Variants in PRKG1 observed in about 807,000 individuals in gnomAD.
The protein encoded by PRKG1 is protein kinase cGMP-dependent 1.
In PRKG1, 35 loss-of-function variants were observed where a neutral mutation model predicts 88.1. The observed-to-expected ratio is 0.40, with a 90% confidence interval of 0.30 to 0.53. The LOEUF is 0.53. PRKG1 is among the 20% of genes least tolerant of loss of function. PRKG1 has a pLI of 0.59. For synonymous variants in PRKG1, 303 were observed against 292.5 expected (o/e 1.04, Z -0.37); for missense variants, 540 against 839.8 (o/e 0.64, Z 4.41).
rs757672025 is a variant in PRKG1 at position 51,074,636 on chromosome 10, G to C, written c.46G>C (p.Glu16Gln). ...DLQYALQEKI[E>Q]ELRQRDALID... Reference sequence around the variant, plus strand: ...ACAGTACGCGCTCCAGGAGAAGATCGAGGAGCTGAGGCAGCGGGATGCTCT... The same window carrying C: ...ACAGTACGCGCTCCAGGAGAAGATCCAGGAGCTGAGGCAGCGGGATGCTCT... The change falls in exon 1 of 18, where the codon GAG becomes CAG. Residue 16 changes from glutamate to glutamine, a missense_variant. Glu to Gln is a conservative substitution (Grantham distance 29). This residue lies in a region of PRKG1 where 15 missense variants were observed against 30.1 expected (regional missense o/e 0.50). Transcript: ENST00000373980. 9 of 1,614,060 alleles carry C rather than the reference G, an allele frequency of 5.6e-6. No homozygotes were observed. In the East Asian group the frequency reaches 6.7e-5, roughly 12 times the overall value.
At chr10:51,942,001 G>C (rs1261330779) in intron 5 of PRKG1, among the ~76,000 whole-genome samples, 10 of 152,030 alleles carry the variant, frequency 6.6e-5, no homozygotes, top group Non-Finnish European at 1.5e-4. Context: ...GGTATTTCTA[G>C]TTCTGGATCC....
chr10:51,227,988 G>T (rs796333830), intron 2 of PRKG1, among the ~76,000 whole-genome samples: 4 of 151,870 alleles, frequency 2.6e-5, no homozygotes, highest in African/African-American at 7.2e-5. Context: ...CCAGTTGCTG[G>T]ATCATTTTCT....
chr10:51,055,747 A>T lies in PRKG1; in HGVS notation c.266+64103A>T, dbSNP rs76182829. On this transcript the variant is annotated intron_variant, in intron 1 of 17. Transcript: ENST00000401604. Reference sequence around the variant, plus strand: ...AGCCAGACTCCGTCTCAAAAAAAAAATTTCTTTGGATTTTTAAAATGTCCC... The same window carrying T: ...AGCCAGACTCCGTCTCAAAAAAAAATTTTCTTTGGATTTTTAAAATGTCCC... Among the ~76,000 whole-genome samples, 1,402 of 151,862 alleles carry T rather than the reference A, an allele frequency of 9.2e-3. 64 individuals carry two copies. In the East Asian group the frequency reaches 0.14, roughly 16 times the overall value.
At chr10:51,832,801 G>A (rs969175468) in intron 4 of PRKG1, among the ~76,000 whole-genome samples, 2 of 152,116 alleles carry the variant, frequency 1.3e-5, no homozygotes, top group East Asian at 1.9e-4. Context: ...ACAAGCTATG[G>A]AATGGTGAGG....
At chr10:51,739,310 A>G (rs1837371480) in intron 3 of PRKG1, among the ~76,000 whole-genome samples, 1 of 152,170 alleles carries the variant, frequency 6.6e-6, no homozygotes. Flanking sequence ...TGCTTCCCAA[A>G]ACTCCTAGCT....
chr10:52,103,301 G>A (rs1482143765), intron 7 of PRKG1, among the ~76,000 whole-genome samples: 1 of 152,016 alleles, frequency 6.6e-6, no homozygotes, highest in African/African-American at 2.4e-5. Flanking sequence ...AAATTACAAT[G>A]TATTTCCATA....
chr10:51,921,948 T>C (rs1023618145), intron 5 of PRKG1, among the ~76,000 whole-genome samples: 11 of 151,982 alleles, frequency 7.2e-5, no homozygotes, highest in Admixed American at 7.2e-4. Context: ...GAAAGTATTC[T>C]CTCTCCTATT....
intron 3 of PRKG1, among the ~76,000 whole-genome samples, chr10:51,507,303 AAAAAT>A (rs1176535046): frequency 6.6e-6 from 1 of 151,872 alleles, no homozygotes; most frequent in Non-Finnish European, 1.5e-5. Flanking sequence ...AAGTATAAAA[AAAAAT>A]AAAAATAAAA....
chr10:51,886,391 T>C (rs1841569911), intron 4 of PRKG1, among the ~76,000 whole-genome samples: 1 of 152,212 alleles, frequency 6.6e-6, no homozygotes, highest in Non-Finnish European at 1.5e-5. Flanking sequence ...GCAAAAGGAC[T>C]ATTAGAATTT....
At chr10:52,017,428 G>A (rs1043432032) in intron 5 of PRKG1, among the ~76,000 whole-genome samples, 17 of 152,290 alleles carry the variant, frequency 1.1e-4, no homozygotes, top group African/African-American at 3.8e-4. Flanking sequence ...GTACTGACAA[G>A]TCTTGCTAGT....
chr10:51,267,424 CT>C (rs1319095880), intron 2 of PRKG1, among the ~76,000 whole-genome samples: 3 of 152,060 alleles, frequency 2.0e-5, no homozygotes, highest in Admixed American at 1.3e-4. Flanking sequence ...TATTAGGTGT[CT>C]TTCAGTTTTT....
chr10:52,005,173 C>T (rs987272230), intron 5 of PRKG1, among the ~76,000 whole-genome samples: 10 of 151,236 alleles, frequency 6.6e-5, no homozygotes. Flanking sequence ...GGAGAAATGG[C>T]ATATATGACA....
chr10:51,112,652 C>T (rs940352069), intron 1 of PRKG1, among the ~76,000 whole-genome samples: 9 of 152,026 alleles, frequency 5.9e-5, no homozygotes, highest in African/African-American at 2.2e-4. Context: ...ATTAAAGTAC[C>T]AGACTAGTTT....
intron 1 of PRKG1, among the ~76,000 whole-genome samples, chr10:51,106,480 A>C (rs556887310): frequency 6.6e-6 from 1 of 152,160 alleles, no homozygotes; most frequent in Non-Finnish European, 1.5e-5. Flanking sequence ...TAAGCTTGGA[A>C]TTACAACTTA....
chr10:51,654,781 G>T (rs541786009), intron 3 of PRKG1, among the ~76,000 whole-genome samples: 1 of 151,908 alleles, frequency 6.6e-6, no homozygotes, highest in Non-Finnish European at 1.5e-5. Context: ...CAAATTTTTT[G>T]ATTAATGTTT....
At chr10:51,484,745 A>G (rs1840480124) in intron 3 of PRKG1, among the ~76,000 whole-genome samples, 1 of 152,158 alleles carries the variant, frequency 6.6e-6, no homozygotes, top group Non-Finnish European at 1.5e-5. Flanking sequence ...CATGTTCTTT[A>G]ATTTGACTCA....
intron 3 of PRKG1, among the ~76,000 whole-genome samples, chr10:51,565,545 A>G (rs1287835145): frequency 1.3e-5 from 2 of 152,122 alleles, no homozygotes; most frequent in East Asian, 3.9e-4. Context: ...TAGAAGCCTG[A>G]AGGTGAATTA....
intron 2 of PRKG1, among the ~76,000 whole-genome samples, chr10:51,341,868 G>C (rs577887625): frequency 1.9e-3 from 283 of 152,262 alleles, no homozygotes; most frequent in African/African-American, 6.7e-3. Context: ...TTACATGGCA[G>C]CAGGCAAGAG....
chr10:51,349,454 T>TTGTGTGTG (rs34302728), intron 2 of PRKG1, among the ~76,000 whole-genome samples: 34 of 97,430 alleles, frequency 3.5e-4, no homozygotes, highest in African/African-American at 1.1e-3. Context: ...TTCATATTGT[T>TTGTGTGTG]TGTGTGTGTG....
Sources: allele counts gnomAD v4.1 joint callset (sites outside exome capture counted in the v4.1 genomes callset), GRCh38; gene constraint gnomAD v4.1.1; regional missense constraint gnomAD v4.1.1; transcripts MANE v1.5; gene names NCBI Gene and HGNC (gene_info 2026-07-23, HGNC 2026-07-21).